TENM3: variants seen among roughly 807,000 people sequenced by gnomAD.
TENM3 encodes the protein teneurin-3.
TENM3 carries 63 observed loss-of-function variants against 255.1 expected under a neutral mutation model. The observed-to-expected ratio is 0.25, with a 90% CI of 0.20 to 0.30. TENM3 has a LOEUF of 0.30. Among genes scored for constraint, TENM3 ranks in the 10% least tolerant of loss-of-function variants. The probability of loss-of-function intolerance (pLI) is 1.00; values close to 1 mark genes in which losing one functional copy is unlikely to be tolerated. For missense variants in TENM3, 2,929 were observed against 3,461.1 expected (o/e 0.85, Z 3.86); for synonymous variants, 1,306 against 1,322.3 (o/e 0.99, Z 0.27).
At chr4:182,029,596 T>C in the TENM3 span, among the ~76,000 whole-genome samples, 1 of 152,190 alleles carries the variant, frequency 6.6e-6, no homozygotes, top group Non-Finnish European at 1.5e-5. Context: ...ATTTTCTTTG[T>C]CTTCTTATAC....
chr4:182,731,844 C>T (rs868497561), intron 16 of TENM3, among the ~76,000 whole-genome samples: 13 of 150,504 alleles, frequency 8.6e-5, no homozygotes, highest in Admixed American at 4.0e-4. Context: ...TGCAGTGGCA[C>T]GATCTCGGCT....
the TENM3 span, among the ~76,000 whole-genome samples, chr4:181,814,930 A>G: frequency 3.6e-4 from 55 of 152,278 alleles, no homozygotes; most frequent in African/African-American, 1.3e-3. Context: ...GGATAAAGAT[A>G]AAAATTGGTG....
At chr4:181,700,509 C>A in the TENM3 span, among the ~76,000 whole-genome samples, 2 of 152,162 alleles carry the variant, frequency 1.3e-5, no homozygotes, top group African/African-American at 4.8e-5. Flanking sequence ...TAATGCAATA[C>A]ATTCCATTTT....
the TENM3 span, among the ~76,000 whole-genome samples, chr4:182,094,229 C>T: frequency 6.6e-5 from 10 of 151,694 alleles, no homozygotes; most frequent in Admixed American, 3.3e-4. Context: ...ACAGCTACCT[C>T]GAAGCCAGAC....
At chr4:181,935,262 T>G in the TENM3 span, among the ~76,000 whole-genome samples, 1 of 152,234 alleles carries the variant, frequency 6.6e-6, no homozygotes, top group African/African-American at 2.4e-5. Context: ...TCTGTAGAAT[T>G]ATTAGTGTCA....
rs1766869332 is a variant in TENM3, at chr4:182,800,495, A to G, written c.*144A>G. On this transcript the variant is annotated 3_prime_UTR_variant, in exon 28 of 28. Transcript: ENST00000511685. ...CGACCCACACCCACACCGCGAAAAC[A>G]AGGACCGCTTTTTTCCGAATGACCT... is the stretch of plus-strand genomic sequence containing the variant. 9.7e-7 allele frequency: 1 copy of G among 1,028,918 alleles called. No individual in the cohort carries two copies. The highest frequency in any genetic ancestry group is 2.8e-5 in the East Asian group (1 of 35,274). 63.7% of individuals were successfully genotyped at this position (1,028,918 alleles called of 1,614,324 possible).
At chr4:182,749,199 A>T (rs1332886897) in intron 19 of TENM3, among the ~76,000 whole-genome samples, 3 of 152,152 alleles carry the variant, frequency 2.0e-5, no homozygotes, top group African/African-American at 7.2e-5. Flanking sequence ...CCATGAATGA[A>T]TCATCATTGT....
chr4:182,320,811 C>A (rs899867178), intron 1 of TENM3, among the ~76,000 whole-genome samples: 2 of 152,216 alleles, frequency 1.3e-5, no homozygotes, highest in Middle Eastern at 3.4e-3. Flanking sequence ...ACTTTACTTA[C>A]AAAAACAGGT....
At chr4:182,752,073 TAA>T (rs5864797) in intron 20 of TENM3, 41 bp downstream of exon 20, 1,075 of 916,558 alleles carry the variant, frequency 1.2e-3, no homozygotes, top group Middle Eastern at 2.5e-3. Flanking sequence ...TTTTATTTAT[TAA>T]AAAAAAAAAA....
upstream of TENM3, chr4:182,142,443 T>C (rs550061306): frequency 2.4e-5 from 4 of 167,220 alleles, no homozygotes; most frequent in African/African-American, 9.6e-5. Context: ...TAGCCCAAAC[T>C]TTGGATAAAC....
At chr4:182,530,533 C>G (rs1002532529) in intron 3 of TENM3, among the ~76,000 whole-genome samples, 2 of 152,098 alleles carry the variant, frequency 1.3e-5, no homozygotes, top group Non-Finnish European at 2.9e-5. Flanking sequence ...ACATTTCGAG[C>G]CCACAGGTAT....
intron 1 of TENM3, among the ~76,000 whole-genome samples, chr4:182,192,251 C>G (rs980214239): frequency 6.6e-6 from 1 of 152,164 alleles, no homozygotes; most frequent in Non-Finnish European, 1.5e-5. Context: ...ACCGAGGGTC[C>G]ACAAAGCGTA....
At chr4:182,581,000 T>C (rs1020585488) in intron 3 of TENM3, among the ~76,000 whole-genome samples, 3 of 152,204 alleles carry the variant, frequency 2.0e-5, no homozygotes, top group Admixed American at 2.0e-4. Context: ...AAATTATATA[T>C]TTAAGGTGTG....
chr4:181,899,578 G>GT, the TENM3 span, among the ~76,000 whole-genome samples: 24 of 151,378 alleles, frequency 1.6e-4, no homozygotes, highest in South Asian at 4.2e-4. Context: ...GTTTTTTGGG[G>GT]TTTTTTTTGA....
chr4:181,661,712 G>A, the TENM3 span, among the ~76,000 whole-genome samples: 1 of 152,070 alleles, frequency 6.6e-6, no homozygotes, highest in Non-Finnish European at 1.5e-5. Flanking sequence ...GTCTGCTCCA[G>A]TTGGTTGCTG....
At chr4:182,098,453 G>A in the TENM3 span, among the ~76,000 whole-genome samples, 160 of 152,248 alleles carry the variant, frequency 1.1e-3, no homozygotes, top group Middle Eastern at 6.8e-3. Flanking sequence ...TCAGAGGATG[G>A]ATAAAGAAAG....
At chr4:182,732,511 A>C (rs1760850023) in intron 16 of TENM3, among the ~76,000 whole-genome samples, 1 of 152,176 alleles carries the variant, frequency 6.6e-6, no homozygotes, top group Admixed American at 6.5e-5. Flanking sequence ...CAGATCTTAA[A>C]AGTAGGATGT....
At chr4:182,193,296 G>C (rs1440022598) in intron 1 of TENM3, among the ~76,000 whole-genome samples, 1 of 152,158 alleles carries the variant, frequency 6.6e-6, no homozygotes, top group African/African-American at 2.4e-5. Flanking sequence ...GACTGACTGT[G>C]TTTCCCAGCC....
chr4:182,778,327 C>T (rs1217084612), intron 24 of TENM3, among the ~76,000 whole-genome samples: 1 of 152,146 alleles, frequency 6.6e-6, no homozygotes, highest in Non-Finnish European at 1.5e-5. Flanking sequence ...TGTTTAAAGG[C>T]ATGCATAAAT....
Sources: allele counts gnomAD v4.1 joint callset (sites outside exome capture counted in the v4.1 genomes callset), GRCh38; gene constraint gnomAD v4.1.1; transcripts MANE v1.5; gene names NCBI Gene and HGNC (gene_info 2026-07-23, HGNC 2026-07-21).